ALK: variants seen among roughly 807,000 people sequenced by gnomAD.
ALK encodes the protein ALK receptor tyrosine kinase.
A neutral mutation model predicts 163.1 loss-of-function variants in ALK; 74 were observed. The ratio of observed to expected loss-of-function variants is 0.45; its 90% confidence interval spans 0.38 to 0.55. ALK has a LOEUF of 0.55. Among genes scored for constraint, ALK ranks in the 20% least tolerant of loss-of-function variants. ALK has a pLI of 0.00. For synonymous variants in ALK, 960 were observed against 843.2 expected (o/e 1.14, Z -2.40); for missense variants, 2,063 against 2,105.3 (o/e 0.98, Z 0.39).
chr2:29,388,541 C>G (rs758498944), intron 4 of ALK, among the ~76,000 whole-genome samples: 1 of 152,204 alleles, frequency 6.6e-6, no homozygotes, highest in African/African-American at 2.4e-5. Flanking sequence ...TGATTTAATT[C>G]CTCTGAGCTC....
chr2:29,409,172 C>A (rs1006560347), intron 4 of ALK, among the ~76,000 whole-genome samples: 2 of 152,178 alleles, frequency 1.3e-5, no homozygotes, highest in Non-Finnish European at 2.9e-5. Flanking sequence ...ATTCTTGTCA[C>A]CTCTAAAATG....
chr2:29,320,925 A>G (rs566775843), intron 6 of ALK, 43 bp from the exon 7 acceptor site: 3 of 1,613,886 alleles, frequency 1.9e-6, no homozygotes, highest in African/African-American at 1.3e-5. Context: ...CAGGACCACT[A>G]AAGGCAAAAT....
intron 4 of ALK, among the ~76,000 whole-genome samples, chr2:29,477,045 A>C (rs1198262834): frequency 6.6e-6 from 1 of 152,182 alleles, no homozygotes; most frequent in African/African-American, 2.4e-5. Context: ...GTGCAGATGT[A>C]GACTAGGGAC....
intron 4 of ALK, among the ~76,000 whole-genome samples, chr2:29,496,410 T>G (rs952987558): frequency 1.3e-5 from 2 of 152,236 alleles, no homozygotes; most frequent in Non-Finnish European, 2.9e-5. Context: ...CATATGGCAG[T>G]GCAGGCTGTG....
At chr2:29,654,791 T>C (rs1677135266) in intron 3 of ALK, among the ~76,000 whole-genome samples, 2 of 152,144 alleles carry the variant, frequency 1.3e-5, no homozygotes, top group Non-Finnish European at 2.9e-5. Context: ...ACAATGATAA[T>C]GAAAATTGAT....
intron 9 of ALK, among the ~76,000 whole-genome samples, chr2:29,292,424 G>C (rs1192762043): frequency 6.6e-6 from 1 of 152,206 alleles, no homozygotes; most frequent in Non-Finnish European, 1.5e-5. Context: ...GCAAGAGACT[G>C]ACAATTAGAA....
At chr2:29,475,878 G>GAC (rs145072134) in intron 4 of ALK, among the ~76,000 whole-genome samples, 2 of 151,828 alleles carry the variant, frequency 1.3e-5, no homozygotes, top group East Asian at 3.9e-4. Flanking sequence ...CAGAGAGAGA[G>GAC]AGCATGTCTA....
chr2:29,487,422 A>G (rs1017766366), intron 4 of ALK, among the ~76,000 whole-genome samples: 3 of 152,218 alleles, frequency 2.0e-5, no homozygotes, highest in African/African-American at 7.2e-5. Context: ...TGTTTTTCCA[A>G]GTACTAGCTT....
chr2:29,654,574 G>A (rs995429541), intron 3 of ALK, among the ~76,000 whole-genome samples: 10 of 152,146 alleles, frequency 6.6e-5, no homozygotes, highest in African/African-American at 1.9e-4. Context: ...TTGAGGTTAG[G>A]ACCCAGAGAA....
Position 29,333,542 on chromosome 2 carries a change from CTATT to C in ALK, c.1283-5065_1283-5062del, listed in dbSNP as rs542281539. 3.6e-3 allele frequency among the ~76,000 whole-genome samples: 541 copies of C among 152,286 alleles called. 4 individuals are homozygous for C. The highest frequency in any genetic ancestry group is 0.012 in the African/African-American group (488 of 41,552). On this transcript the variant is annotated intron_variant, in intron 5 of 28. Transcript: ENST00000389048. ...TGAGGTCATTAATAAGGATGCAAAA[CTATT>C]TATCATATGCGTGACAATTTTTCCC...
At chr2:29,649,980 AC>A (rs960042133) in intron 3 of ALK, among the ~76,000 whole-genome samples, 5 of 152,126 alleles carry the variant, frequency 3.3e-5, no homozygotes, top group African/African-American at 1.2e-4. Context: ...GAGGACAGAG[AC>A]CCTTTGGGAA....
chr2:29,847,792 TA>T (rs1488175939), intron 1 of ALK, among the ~76,000 whole-genome samples: 1 of 142,884 alleles, frequency 7.0e-6, no homozygotes, highest in East Asian at 2.1e-4. Flanking sequence ...GGGGAAGGGG[TA>T]AAAAAAGAGA....
At position 29,911,310 on chromosome 2, in the gene ALK, A is replaced by G. The variant is rs561686285; in HGVS notation, c.667+8683T>C. Among the ~76,000 whole-genome samples, 11 of 152,342 alleles carry G rather than the reference A, an allele frequency of 7.2e-5. No individual in the cohort carries two copies. In the East Asian group the frequency reaches 2.1e-3, roughly 29 times the overall value. On this transcript the variant is annotated intron_variant, in intron 1 of 28. Transcript: ENST00000389048. ...ATGGTGACCCTTCAGTAGAGCCAGC[A>G]TAGCTGCTGATAGAAACCCTCAAAT...
At chr2:29,589,733 T>C (rs1362088003) in intron 3 of ALK, among the ~76,000 whole-genome samples, 2 of 152,188 alleles carry the variant, frequency 1.3e-5, no homozygotes, top group African/African-American at 4.8e-5. Context: ...AGTTACACTA[T>C]CCCCATTTTA....
At chr2:29,200,740 CGTATATATATACGTATATAT>C (rs147169360) in intron 26 of ALK, among the ~76,000 whole-genome samples, 11,990 of 130,150 alleles carry the variant, frequency 0.092, 1,886 homozygotes, top group African/African-American at 0.31. Flanking sequence ...TATATATATA[CGTATATATATACGTATATAT>C]GTATATATAT....
chr2:29,359,751 G>A (rs762423902), intron 5 of ALK, among the ~76,000 whole-genome samples: 30 of 152,100 alleles, frequency 2.0e-4, no homozygotes, highest in Admixed American at 5.9e-4. Context: ...GCTTGTTCCC[G>A]GGCTGGCAGT....
rs751473124 is a variant in ALK at position 29,193,642 on chromosome 2, T to G, written c.4445A>C (p.Gln1482Pro). 3 of 1,614,116 alleles carry G rather than the reference T, an allele frequency of 1.9e-6. No individual in the cohort carries two copies. In the African/African-American group the frequency reaches 4.0e-5, roughly 22 times the overall value. Reference sequence around the variant, plus strand: ...GTGCAACTCCGAAGGAGGGTTGGACTGAGAGAATGCCATATTCACGTGTCC... The same window carrying G: ...GTGCAACTCCGAAGGAGGGTTGGACGGAGAGAATGCCATATTCACGTGTCC... Reference protein sequence around the residue: ...EGGHVNMAFSQSNPPSELHKV... With the variant: ...EGGHVNMAFSPSNPPSELHKV... The change falls in exon 29 of 29, where the codon CAG (glutamine) becomes CCG (proline). Residue 1482 changes from glutamine (Q) to proline (P), a missense_variant. Gln to Pro is a moderately conservative substitution (Grantham distance 76). Coordinates refer to ENST00000389048, the MANE Select transcript of ALK (RefSeq NM_004304.5).
chr2:29,653,223 T>C (rs1677085015), intron 3 of ALK, among the ~76,000 whole-genome samples: 1 of 152,104 alleles, frequency 6.6e-6, no homozygotes, highest in Admixed American at 6.5e-5. Context: ...TGTGTTGACT[T>C]TTGGCGTGAG....
rs573130955 is a variant in ALK at position 29,414,744 on chromosome 2, A to C, written c.1155-30885T>G. 4.6e-5 allele frequency among the ~76,000 whole-genome samples: 7 copies of C among 152,344 alleles called. No individual in the cohort carries two copies. In the South Asian group the frequency reaches 1.2e-3, roughly 27 times the overall value. ...TTATCAAAGCAGGTCCCTTTCAGAC[A>C]GTTCCTGCATGCAAACGATCCTTCC... On this transcript the variant is annotated intron_variant, in intron 4 of 28. Coordinates refer to ENST00000389048, the MANE Select transcript of ALK (RefSeq NM_004304.5).
Sources: allele counts gnomAD v4.1 joint callset (sites outside exome capture counted in the v4.1 genomes callset), GRCh38; gene constraint gnomAD v4.1.1; transcripts MANE v1.5; gene names NCBI Gene and HGNC (gene_info 2026-07-23, HGNC 2026-07-21).